The following AUTS2 variants were observed in gnomAD, a reference collection of about 807,000 sequenced individuals.
The protein encoded by AUTS2 is autism susceptibility gene 2 protein.
A neutral mutation model predicts 112.4 loss-of-function variants in AUTS2; 17 were observed. The observed-to-expected ratio is 0.15, with a 90% CI of 0.10 to 0.23. The LOEUF (loss-of-function observed/expected upper bound fraction) is 0.23, where lower values mean the gene tolerates loss of function less well. AUTS2 is among the 10% of genes least tolerant of loss of function. AUTS2 has a pLI of 1.00. For missense variants in AUTS2, 1,510 were observed against 1,701.6 expected (o/e 0.89, Z 1.98); for synonymous variants, 751 against 702.7 (o/e 1.07, Z -1.09).
chr7:70,530,104 A>T (rs914108554), intron 5 of AUTS2, among the ~76,000 whole-genome samples: 1 of 152,112 alleles, frequency 6.6e-6, no homozygotes, highest in Admixed American at 6.5e-5. Context: ...TCTAGACAAC[A>T]TCTGTAGTGA....
chr7:70,771,524 TC>T, intron 10 of AUTS2, 24 bp from the exon 11 acceptor site: 1 of 1,577,514 alleles, frequency 6.3e-7, no homozygotes, highest in Non-Finnish European at 8.7e-7. Context: ...AAATCTTTTT[TC>T]CCCCTCTCCG....
At chr7:70,252,503 C>T (rs1033259534) in intron 4 of AUTS2, among the ~76,000 whole-genome samples, 10 of 152,050 alleles carry the variant, frequency 6.6e-5, no homozygotes, top group Admixed American at 1.3e-4. Flanking sequence ...GATATTAACC[C>T]CATATTAAAT....
At chr7:70,214,476 A>C (rs1011303990) in intron 4 of AUTS2, among the ~76,000 whole-genome samples, 3 of 152,222 alleles carry the variant, frequency 2.0e-5, no homozygotes, top group African/African-American at 7.2e-5. Flanking sequence ...TGCATACAAC[A>C]CATGTTCCAC....
At chr7:69,646,253 C>G (rs557492950) in intron 1 of AUTS2, among the ~76,000 whole-genome samples, 9 of 152,158 alleles carry the variant, frequency 5.9e-5, no homozygotes, top group Admixed American at 5.9e-4. Context: ...GCTACTGTTT[C>G]TCCTTATACA....
At chr7:70,404,673 T>C (rs1794459213) in intron 4 of AUTS2, among the ~76,000 whole-genome samples, 1 of 152,218 alleles carries the variant, frequency 6.6e-6, no homozygotes. Flanking sequence ...TCTGCATATG[T>C]GCAGAGGAAA....
intron 6 of AUTS2, among the ~76,000 whole-genome samples, chr7:70,749,360 G>A (rs1788658238): frequency 6.6e-6 from 1 of 152,096 alleles, no homozygotes; most frequent in Non-Finnish European, 1.5e-5. Context: ...GGCGGCACGG[G>A]GAGGGGGGTC....
At chr7:70,512,513 G>C (rs896392181) in intron 5 of AUTS2, among the ~76,000 whole-genome samples, 1 of 152,094 alleles carries the variant, frequency 6.6e-6, no homozygotes, top group African/African-American at 2.4e-5. Context: ...AGTGACAGGG[G>C]CTGTGGAACC....
chr7:70,639,064 A>G (rs760546840), intron 5 of AUTS2, among the ~76,000 whole-genome samples: 3 of 152,158 alleles, frequency 2.0e-5, no homozygotes, highest in Admixed American at 1.3e-4. Flanking sequence ...TAAAATCCAT[A>G]ACTCTTACAA....
intron 1 of AUTS2, among the ~76,000 whole-genome samples, chr7:69,842,178 G>A (rs1792010219): frequency 1.3e-5 from 2 of 152,094 alleles, no homozygotes; most frequent in Non-Finnish European, 2.9e-5. Flanking sequence ...AATCTGAATG[G>A]TGTTTAAGAA....
chr7:69,905,517 C>A (rs1795116636), intron 2 of AUTS2, among the ~76,000 whole-genome samples: 1 of 152,042 alleles, frequency 6.6e-6, no homozygotes, highest in Non-Finnish European at 1.5e-5. Context: ...GCCTAGAGAG[C>A]CTAGAGTTTA....
At chr7:70,535,846 C>T (rs1301909433) in intron 5 of AUTS2, among the ~76,000 whole-genome samples, 1 of 152,162 alleles carries the variant, frequency 6.6e-6, no homozygotes, top group African/African-American at 2.4e-5. Flanking sequence ...TGCCTTCCCA[C>T]CCAATAAAGA....
At chr7:70,475,718 G>A (rs761492081) in intron 5 of AUTS2, among the ~76,000 whole-genome samples, 22 of 152,168 alleles carry the variant, frequency 1.4e-4, no homozygotes, top group Non-Finnish European at 2.9e-4. Flanking sequence ...TAGTCTGAGT[G>A]GGGATAAGAC....
intron 5 of AUTS2, among the ~76,000 whole-genome samples, chr7:70,549,871 A>G (rs1466592241): frequency 6.6e-6 from 1 of 152,182 alleles, no homozygotes; most frequent in Non-Finnish European, 1.5e-5. Context: ...TATGTAACCC[A>G]CTGGAAGATC....
chr7:69,885,905 C>G lies in AUTS2; in HGVS notation c.310-13381C>G, dbSNP rs147922829. On this transcript the variant is annotated intron_variant, in intron 1 of 18. Transcript: ENST00000342771. Reference sequence around the variant, plus strand: ...ACCTTTCAGTAAATTATGTTTAGTTCTTAAATCAAAACCCAGTTAGGACAA... The same window carrying G: ...ACCTTTCAGTAAATTATGTTTAGTTGTTAAATCAAAACCCAGTTAGGACAA... Among the ~76,000 whole-genome samples, 63 of 152,228 alleles carry G rather than the reference C, an allele frequency of 4.1e-4. No individual in the cohort carries two copies. In the East Asian group the frequency reaches 0.012, roughly 29 times the overall value.
At chr7:69,908,753 C>CT (rs1369944045) in intron 2 of AUTS2, among the ~76,000 whole-genome samples, 1 of 152,164 alleles carries the variant, frequency 6.6e-6, no homozygotes, top group Non-Finnish European at 1.5e-5. Flanking sequence ...TATTACAAAC[C>CT]TGGACAGGTC....
intron 4 of AUTS2, among the ~76,000 whole-genome samples, chr7:70,433,209 T>A (rs551368422): frequency 6.6e-6 from 1 of 152,238 alleles, no homozygotes; most frequent in Admixed American, 6.5e-5. Context: ...CATACTGCCG[T>A]TAGGATAGGG....
chr7:70,373,063 G>A (rs749857050), intron 4 of AUTS2, among the ~76,000 whole-genome samples: 1 of 151,878 alleles, frequency 6.6e-6, no homozygotes, highest in Admixed American at 6.6e-5. Context: ...TAAACACTGC[G>A]AGATTGCTGA....
At chr7:70,290,754 C>T (rs1474685007) in intron 4 of AUTS2, 9 of 854,244 alleles carry the variant, frequency 1.1e-5, no homozygotes, top group South Asian at 9.1e-5. Context: ...ATGACTGTAA[C>T]GTTTCTACTA....
At chr7:70,767,008 G>A (rs1789985070) in intron 9 of AUTS2, among the ~76,000 whole-genome samples, 1 of 148,320 alleles carries the variant, frequency 6.7e-6, no homozygotes, top group Non-Finnish European at 1.5e-5. Flanking sequence ...TCCAGAACCA[G>A]TGAGGAATTT....
Sources: allele counts gnomAD v4.1 joint callset (sites outside exome capture counted in the v4.1 genomes callset), GRCh38; gene constraint gnomAD v4.1.1; transcripts MANE v1.5; gene names NCBI Gene and HGNC (gene_info 2026-07-23, HGNC 2026-07-21).